Variants in GCNT1 observed in about 807,000 individuals in gnomAD.
GCNT1 encodes the protein glucosaminyl (N-acetyl) transferase 1.
In GCNT1, 16 loss-of-function variants were observed where a neutral mutation model predicts 26.2. The ratio of observed to expected loss-of-function variants is 0.61; its 90% CI spans 0.41 to 0.93. The LOEUF is 0.93. GCNT1 is among the 40% of genes least tolerant of loss of function. GCNT1 has a pLI of 0.00. For missense variants in GCNT1, 477 were observed against 526.7 expected, an observed-to-expected ratio of 0.91 and a Z score of 0.92; for synonymous variants, 183 against 190.8, an observed-to-expected ratio of 0.96 and a Z score of 0.34.
upstream of GCNT1, among the ~76,000 whole-genome samples, chr9:76,440,627 G>T (rs1286697878): frequency 6.6e-6 from 1 of 152,214 alleles, no homozygotes; most frequent in Non-Finnish European, 1.5e-5. Context: ...CCAGAGGGGA[G>T]AATGAGCTGC....
intron 1 of GCNT1, among the ~76,000 whole-genome samples, chr9:76,431,243 C>T (rs553941567): frequency 1.2e-4 from 18 of 152,270 alleles, no homozygotes; most frequent in Admixed American, 3.3e-4. Flanking sequence ...GAGTTAGCAT[C>T]AGACTCCACA....
Position 76,476,550 on chromosome 9 carries a change from T to TA in GCNT1, c.-290+16384dup, listed in dbSNP as rs55776829. 5.0e-3 allele frequency among the ~76,000 whole-genome samples: 740 copies of TA among 148,910 alleles called. 4 individuals are homozygous for TA. The highest frequency in any genetic ancestry group is 0.016 in the African/African-American group (657 of 40,744). ...GATAATGAGGTTGAAGATTGCTATT[T>TA]AAAAAAAAAAACACTGTTTGTTTTC... is the stretch of plus-strand genomic sequence containing the variant. On this transcript the variant is annotated intron_variant, in intron 2 of 3. Coordinates refer to ENST00000376730, the MANE Select transcript of GCNT1 (RefSeq NM_001490.5).
At chr9:76,498,935 C>T (rs368725787) in intron 2 of GCNT1, among the ~76,000 whole-genome samples, 1 of 151,872 alleles carries the variant, frequency 6.6e-6, no homozygotes, top group African/African-American at 2.4e-5. Context: ...ATATATATAC[C>T]TTTACTGCTG....
the GCNT1 span, chr9:76,394,214 G>C: frequency 4.5e-6 from 7 of 1,545,488 alleles, no homozygotes; most frequent in Non-Finnish European, 6.1e-6. Context: ...CGGTCTGCGC[G>C]TCCTGCGGAG....
intron 2 of GCNT1, among the ~76,000 whole-genome samples, chr9:76,494,525 G>A (rs1053895221): frequency 7.9e-5 from 12 of 152,170 alleles, no homozygotes; most frequent in African/African-American, 2.9e-4. Context: ...AGCTTCAGGA[G>A]TAGCTTTTGT....
the GCNT1 span, among the ~76,000 whole-genome samples, chr9:76,407,148 G>T: frequency 5.0e-5 from 7 of 140,920 alleles, no homozygotes; most frequent in South Asian, 1.1e-3. Flanking sequence ...GATCCATTTT[G>T]AGTTAATTTT....
At chr9:76,480,730 CAAAGT>C (rs1824399721) in intron 2 of GCNT1, among the ~76,000 whole-genome samples, 1 of 151,880 alleles carries the variant, frequency 6.6e-6, no homozygotes, top group Admixed American at 6.6e-5. Context: ...CATTTTGTCT[CAAAGT>C]AGTATAATGA....
chr9:76,494,817 G>A (rs1421976291), intron 2 of GCNT1, among the ~76,000 whole-genome samples: 1 of 152,142 alleles, frequency 6.6e-6, no homozygotes, highest in Non-Finnish European at 1.5e-5. Flanking sequence ...ATGACTTGGA[G>A]GAGAGTTCCG....
Position 76,430,685 on chromosome 9 carries a change from T to C in GCNT1, n.38+10798T>C, listed in dbSNP as rs144256543. Among the ~76,000 whole-genome samples, 395 of 150,974 alleles carry C rather than the reference T, an allele frequency of 2.6e-3. 1 individual carries two copies. Among genetic ancestry groups the C allele is most frequent in the African/African-American group, 9.3e-3 (382 of 41,032 alleles). On this transcript the variant is annotated intron_variant and non_coding_transcript_variant, in intron 1 of 3. Coordinates refer to the GCNT1 transcript ENST00000488136. ...ACAAGAATGAGCCACTGCACCTGGT[T>C]AGTCCTCTTTTTTTTTGAGACCAAG...
At chr9:76,492,181 G>A (rs996271472) in intron 2 of GCNT1, among the ~76,000 whole-genome samples, 2 of 152,122 alleles carry the variant, frequency 1.3e-5, no homozygotes, top group East Asian at 3.9e-4. Flanking sequence ...TGGAGCTTGA[G>A]TTTGTTCCTT....
chr9:76,398,519 A>G, the GCNT1 span, among the ~76,000 whole-genome samples: 49,404 of 152,122 alleles, frequency 0.32, 8,520 homozygotes, highest in Non-Finnish European at 0.38. Flanking sequence ...AGTTTCTTAT[A>G]AAACTAAACG....
chr9:76,412,397 A>G, the GCNT1 span, among the ~76,000 whole-genome samples: 1 of 152,292 alleles, frequency 6.6e-6, no homozygotes, highest in Middle Eastern at 3.4e-3. Flanking sequence ...TCTGACCTAC[A>G]TTATTTTTCT....
intron 2 of GCNT1, among the ~76,000 whole-genome samples, chr9:76,478,777 TG>T (rs1824330020): frequency 1.3e-5 from 2 of 152,352 alleles, no homozygotes; most frequent in South Asian, 4.1e-4. Context: ...AATGCAATCA[TG>T]GACATTCCTT....
intron 2 of GCNT1, among the ~76,000 whole-genome samples, chr9:76,485,975 G>C (rs900991999): frequency 7.2e-5 from 11 of 152,170 alleles, no homozygotes; most frequent in African/African-American, 2.7e-4. Flanking sequence ...CAAGTGATCT[G>C]CCTGCCTCGG....
the GCNT1 span, among the ~76,000 whole-genome samples, chr9:76,413,653 G>T: frequency 0.012 from 1,470 of 118,462 alleles, 120 homozygotes; most frequent in Admixed American, 0.1. Flanking sequence ...GTTTTGTTTT[G>T]TTTTTTTTTT....
At chr9:76,479,083 C>T (rs1176217219) in intron 2 of GCNT1, among the ~76,000 whole-genome samples, 2 of 151,912 alleles carry the variant, frequency 1.3e-5, no homozygotes, top group African/African-American at 4.8e-5. Context: ...GCTCAATTCT[C>T]ACCTATGAGT....
At chr9:76,402,030 A>C in the GCNT1 span, among the ~76,000 whole-genome samples, 1 of 152,264 alleles carries the variant, frequency 6.6e-6, no homozygotes, top group African/African-American at 2.4e-5. Flanking sequence ...AAAGCTTATT[A>C]ACGTAGATTC....
chr9:76,495,241 T>C (rs1229850940), intron 2 of GCNT1, among the ~76,000 whole-genome samples: 1 of 152,136 alleles, frequency 6.6e-6, no homozygotes, highest in East Asian at 1.9e-4. Context: ...ACCTTTGCAG[T>C]GAATGTTACA....
upstream of GCNT1, among the ~76,000 whole-genome samples, chr9:76,415,052 T>C (rs1460000117): frequency 6.6e-6 from 1 of 152,196 alleles, no homozygotes; most frequent in Non-Finnish European, 1.5e-5. Context: ...ATGTGCCCTT[T>C]AGCTGTGAAC....
Sources: allele counts gnomAD v4.1 joint callset (sites outside exome capture counted in the v4.1 genomes callset), GRCh38; gene constraint gnomAD v4.1.1; transcripts MANE v1.5; gene names NCBI Gene and HGNC (gene_info 2026-07-23, HGNC 2026-07-21).